GPC3: variants seen among roughly 807,000 people sequenced by gnomAD.
The protein encoded by GPC3 is glypican 3, also known as glypican-3.
In GPC3, 3 loss-of-function variants were observed where a neutral mutation model predicts 34.4. The ratio of observed to expected loss-of-function variants is 0.09; its 90% CI spans 0.04 to 0.23. The LOEUF (loss-of-function observed/expected upper bound fraction) is 0.23, where lower values mean the gene tolerates loss of function less well. Among genes scored for constraint, GPC3 ranks in the 10% least tolerant of loss-of-function variants. The probability of loss-of-function intolerance (pLI) is 1.00; values close to 1 mark genes in which losing one functional copy is unlikely to be tolerated. For missense variants in GPC3, 351 were observed against 445.6 expected (o/e 0.79, Z 1.91); for synonymous variants, 177 against 174.0 (o/e 1.02, Z -0.13).
chrX:133,852,985 CA>C (rs33927142), intron 2 of GPC3, among the ~76,000 whole-genome samples: 2,146 of 42,028 alleles, frequency 0.051, 38 homozygotes, highest in African/African-American at 0.15. Flanking sequence ...TTTTAAATTC[CA>C]AAAAAAAAAA....
intron 7 of GPC3, among the ~76,000 whole-genome samples, chrX:133,571,536 A>G (rs1460338570): frequency 9.0e-6 from 1 of 111,219 alleles, no homozygotes; most frequent in Non-Finnish European, 1.9e-5. Context: ...CCTGATAGCC[A>G]TTTTCTAATA....
At chrX:133,896,468 CTCTAAGT>C (rs2076114061) in intron 2 of GPC3, among the ~76,000 whole-genome samples, 1 of 111,516 alleles carries the variant, frequency 9.0e-6, no homozygotes, top group Non-Finnish European at 1.9e-5. Context: ...ATCAAAATGT[CTCTAAGT>C]TCTTTTTCAA....
At chrX:133,748,486 G>A (rs972373834) in intron 3 of GPC3, among the ~76,000 whole-genome samples, 11 of 111,067 alleles carry the variant, frequency 9.9e-5, no homozygotes, top group Admixed American at 9.6e-4. Context: ...TTTGCAAAAC[G>A]GATCTATTTA....
chrX:133,635,696 T>C (rs1478330384), intron 6 of GPC3, among the ~76,000 whole-genome samples: 1 of 110,582 alleles, frequency 9.0e-6, no homozygotes, highest in African/African-American at 3.3e-5. Context: ...CCCATCTATT[T>C]TGTTTCTTCT....
chrX:133,881,409 T>A (rs1324929431), intron 2 of GPC3, among the ~76,000 whole-genome samples: 1 of 112,363 alleles, frequency 8.9e-6, no homozygotes, highest in Non-Finnish European at 1.9e-5. Flanking sequence ...GGATTTCAAT[T>A]TACAAAGTAA....
chrX:133,799,996 T>A (rs1017439475), intron 2 of GPC3, among the ~76,000 whole-genome samples: 32 of 111,939 alleles, frequency 2.9e-4, no homozygotes, highest in African/African-American at 9.4e-4. Flanking sequence ...AAGCCCCTGC[T>A]TTCTGACTGA....
intron 2 of GPC3, among the ~76,000 whole-genome samples, chrX:133,882,161 T>C (rs1340247083): frequency 8.9e-6 from 1 of 111,910 alleles, no homozygotes; most frequent in Admixed American, 9.5e-5. Flanking sequence ...TCCCCCACAA[T>C]GATTCCAGCG....
At chrX:133,540,750 C>T (rs1353080354) in intron 7 of GPC3, among the ~76,000 whole-genome samples, 1 of 111,261 alleles carries the variant, frequency 9.0e-6, no homozygotes, top group Non-Finnish European at 1.9e-5. Context: ...ATAATCTACA[C>T]CATGAAGGAT....
chrX:133,945,215 A>G (rs1246911695), intron 2 of GPC3, among the ~76,000 whole-genome samples: 1 of 110,828 alleles, frequency 9.0e-6, no homozygotes, highest in African/African-American at 3.3e-5. Context: ...ACATGGCGAA[A>G]CTCCATCTCT....
intron 7 of GPC3, among the ~76,000 whole-genome samples, chrX:133,561,443 G>A (rs890315226): frequency 2.7e-5 from 3 of 112,313 alleles, no homozygotes; most frequent in African/African-American, 9.7e-5. Context: ...AATGAAAAGA[G>A]ATTAGCTGTT....
chrX:133,588,493 A>T (rs1176483821), intron 7 of GPC3, among the ~76,000 whole-genome samples: 3 of 111,499 alleles, frequency 2.7e-5, no homozygotes, highest in African/African-American at 9.8e-5. Flanking sequence ...AATATTTTGC[A>T]GTTGTCACTC....
intron 2 of GPC3, among the ~76,000 whole-genome samples, chrX:133,937,927 A>T (rs1409838988): frequency 1.8e-5 from 2 of 111,990 alleles, no homozygotes; most frequent in East Asian, 5.6e-4. Context: ...AACTGAAAAG[A>T]CTTATAGATC....
Position 133,753,202 on chromosome X carries a change from C to T in GPC3, c.1032+280G>A, listed in dbSNP as rs997101757. Among the ~76,000 whole-genome samples, 11 of 111,974 alleles carry T rather than the reference C, an allele frequency of 9.8e-5. No individual in the cohort carries two copies. In the East Asian group the frequency reaches 1.4e-3, roughly 14 times the overall value. ...TAACAAATGTCATTCCCTATGAAGA[C>T]GATATTCTTTTTATTTCTATTTCAT... On this transcript the variant is annotated intron_variant, in intron 3 of 7. Coordinates refer to ENST00000370818, the MANE Select transcript of GPC3 (RefSeq NM_004484.4).
chrX:133,961,588 C>T (rs2076441687), intron 1 of GPC3, among the ~76,000 whole-genome samples: 1 of 111,446 alleles, frequency 9.0e-6, no homozygotes, highest in Non-Finnish European at 1.9e-5. Context: ...TTCATTCATC[C>T]AACATTTACT....
At position 133,626,240 on chromosome X, in the gene GPC3, A is replaced by G. The variant is rs1338546672; in HGVS notation, c.1414-29641T>C. ...GAAGAAAACCTAGGCAATACCATTC[A>G]GGACATAGGCATGGGCAAGGACTTT... On this transcript the variant is annotated intron_variant, in intron 6 of 7. Coordinates refer to ENST00000370818, the MANE Select transcript of GPC3 (RefSeq NM_004484.4). Among the ~76,000 whole-genome samples, 4 of 112,141 alleles carry G rather than the reference A, an allele frequency of 3.6e-5. No homozygotes were observed. The East Asian group carries it at 1.1e-3, about 31-fold the overall frequency.
chrX:133,940,222 G>A (rs1234664925), intron 2 of GPC3, among the ~76,000 whole-genome samples: 1 of 111,461 alleles, frequency 9.0e-6, no homozygotes, highest in Admixed American at 9.5e-5. Flanking sequence ...TAAAAGTTTG[G>A]GGTCATTCTT....
At position 133,699,915 on chromosome X, in the gene GPC3, T is replaced by G. The variant is rs976805055; in HGVS notation, c.1146A>C (p.Glu382Asp). The G allele has an allele frequency of 1.7e-6, 2 of 1,203,917 alleles. No individual in the cohort carries two copies. Among genetic ancestry groups the G allele is most frequent in the Non-Finnish European group, 2.2e-6 (2 of 889,381 alleles). ...VLKVAHVEHE[E>D]TLSSRRRELI... ...CTCACCTTCTTCGGCTGGATAAGGT[T>G]TCTTCATGTTCTACATGAGCAACTT... Residue 382 changes from glutamate to aspartate, a missense_variant, in exon 4 of 8, where the codon GAA becomes GAC. Transcript: ENST00000370818.
intron 1 of GPC3, among the ~76,000 whole-genome samples, chrX:133,957,159 T>G (rs1267218437): frequency 3.6e-5 from 4 of 112,064 alleles, no homozygotes; most frequent in Non-Finnish European, 5.6e-5. Flanking sequence ...CTCCCAGTTA[T>G]TACTGCTTGG....
At chrX:133,597,426 G>T (rs548582498) in intron 6 of GPC3, among the ~76,000 whole-genome samples, 1 of 111,276 alleles carries the variant, frequency 9.0e-6, no homozygotes, top group South Asian at 3.8e-4. Flanking sequence ...TTCTGTTTTT[G>T]TCCTGGCTTC....
Sources: allele counts gnomAD v4.1 joint callset (sites outside exome capture counted in the v4.1 genomes callset), GRCh38; gene constraint gnomAD v4.1.1; transcripts MANE v1.5; gene names NCBI Gene and HGNC (gene_info 2026-07-23, HGNC 2026-07-21).